RTTN: variants seen among roughly 807,000 people sequenced by gnomAD.
RTTN encodes rotatin.
In RTTN, 182 loss-of-function variants were observed where a neutral mutation model predicts 269.2. The observed-to-expected ratio is 0.68, with a 90% CI of 0.60 to 0.76. RTTN has a LOEUF of 0.76. Among genes scored for constraint, RTTN ranks in the 30% least tolerant of loss-of-function variants. The probability of loss-of-function intolerance (pLI) is 0.00; values close to 1 mark genes in which losing one functional copy is unlikely to be tolerated. For missense variants in RTTN, 2,545 were observed against 2,608.6 expected (o/e 0.98, Z 0.53); for synonymous variants, 1,006 against 963.5 (o/e 1.04, Z -0.82).
chr18:70,102,462 T>A (rs2059195757), intron 28 of RTTN, among the ~76,000 whole-genome samples: 1 of 152,194 alleles, frequency 6.6e-6, no homozygotes, highest in Non-Finnish European at 1.5e-5. Flanking sequence ...AGCCTATGTA[T>A]GTCTCTGCAC....
chr18:70,169,797 A>G (rs1249191910), intron 11 of RTTN, among the ~76,000 whole-genome samples: 1 of 152,212 alleles, frequency 6.6e-6, no homozygotes, highest in African/African-American at 2.4e-5. Context: ...TATCAATTAA[A>G]GGAATAAAAA....
At chr18:70,196,029 T>C (rs1289585940) in intron 7 of RTTN, among the ~76,000 whole-genome samples, 1 of 152,216 alleles carries the variant, frequency 6.6e-6, no homozygotes. Context: ...TATTTGGCCA[T>C]TAGGTGGCAC....
intron 14 of RTTN, among the ~76,000 whole-genome samples, chr18:70,157,604 G>A (rs146870567): frequency 1.8e-4 from 28 of 152,210 alleles, no homozygotes; most frequent in Admixed American, 5.9e-4. Context: ...CCCAGCAATC[G>A]TTCTTAACCA....
At chr18:70,176,200 G>GTATATGTATATGTATATGTAT (rs1555773833) in intron 11 of RTTN, among the ~76,000 whole-genome samples, 4 of 137,676 alleles carry the variant, frequency 2.9e-5, no homozygotes, top group African/African-American at 1.1e-4. Flanking sequence ...TGTAGATGTA[G>GTATATGTATATGTATATGTAT]ATGTATATGT....
intron 1 of RTTN, 134 bp downstream of exon 1, chr18:70,205,494 G>A: frequency 2.9e-6 from 4 of 1,359,474 alleles, no homozygotes; most frequent in Non-Finnish European, 4.2e-6. Flanking sequence ...GGTCCCCGGG[G>A]GCTATCCTGA....
At chr18:70,014,610 A>C (rs544237855) in intron 46 of RTTN, among the ~76,000 whole-genome samples, 1 of 152,330 alleles carries the variant, frequency 6.6e-6, no homozygotes, top group South Asian at 2.1e-4. Context: ...AGCCAAGTTC[A>C]CGGCCAACTT....
intron 40 of RTTN, among the ~76,000 whole-genome samples, chr18:70,034,179 A>G (rs2057102873): frequency 6.6e-6 from 1 of 152,144 alleles, no homozygotes; most frequent in Non-Finnish European, 1.5e-5. Context: ...AAAAAATGAG[A>G]AGTAGGAACT....
At chr18:70,041,832 A>G (rs1260744827) in intron 40 of RTTN, among the ~76,000 whole-genome samples, 1 of 152,088 alleles carries the variant, frequency 6.6e-6, no homozygotes, top group East Asian at 1.9e-4. Flanking sequence ...ACTTGGCTAC[A>G]TAACATTTGG....
intron 14 of RTTN, among the ~76,000 whole-genome samples, chr18:70,157,923 A>C (rs924136300): frequency 6.6e-6 from 1 of 152,174 alleles, no homozygotes; most frequent in Non-Finnish European, 1.5e-5. Context: ...AATTAAAAAA[A>C]AAAACTTCAA....
rs2057663024 is a variant in RTTN, at chr18:70,051,403, C to G, written c.5323+8G>C. On this transcript the variant is annotated splice_region_variant and intron_variant, in intron 39 of 48. Coordinates refer to ENST00000640769, the MANE Select transcript of RTTN (RefSeq NM_173630.4). ...AAAGCCCCCAAGATTATGCAAGTAT[C>G]TTCTTACCAATCGCCGCTGTCCAGT... 2 of 1,599,768 alleles carry G rather than the reference C, an allele frequency of 1.3e-6. No individual in the cohort carries two copies. The highest frequency in any genetic ancestry group is 1.7e-6 in the Non-Finnish European group (2 of 1,176,254).
At chr18:70,050,666 A>G (rs958114657) in intron 39 of RTTN, among the ~76,000 whole-genome samples, 1 of 152,220 alleles carries the variant, frequency 6.6e-6, no homozygotes, top group African/African-American at 2.4e-5. Flanking sequence ...AAGACTTGGA[A>G]CCAACCCAAT....
intron 14 of RTTN, among the ~76,000 whole-genome samples, chr18:70,151,917 G>A (rs1044030643): frequency 1.3e-5 from 2 of 152,096 alleles, no homozygotes; most frequent in African/African-American, 4.8e-5. Context: ...CCTCACAAGA[G>A]TTCGCTGTCC....
chr18:70,064,703 T>C lies in RTTN; in HGVS notation c.4747+1126A>G, dbSNP rs78540174. Among the ~76,000 whole-genome samples the C allele has an allele frequency of 3.5e-4, 53 of 152,290 alleles. No homozygotes were observed. In the East Asian group the frequency reaches 9.2e-3, roughly 27 times the overall value. On this transcript the variant is annotated intron_variant, in intron 35 of 48. Coordinates refer to ENST00000640769, the MANE Select transcript of RTTN (RefSeq NM_173630.4). ...AAGAATGGGGGAGACAGGGAGTGAC[T>C]GCTAATGGGTATAGGGTTTTTTTGC...
intron 11 of RTTN, among the ~76,000 whole-genome samples, chr18:70,175,045 C>CAAAAAAAAAAAAAAAAAAAA (rs5825998): frequency 1.8e-4 from 16 of 86,810 alleles, no homozygotes; most frequent in Non-Finnish European, 2.3e-4. Flanking sequence ...AAACCAAAAC[C>CAAAAAAAAAAAAAAAAAAAA]AAAAAAAAAA....
chr18:70,016,998 G>C (rs1022948546), intron 46 of RTTN, among the ~76,000 whole-genome samples: 1 of 152,064 alleles, frequency 6.6e-6, no homozygotes, highest in African/African-American at 2.4e-5. Flanking sequence ...GGAAAGAGAA[G>C]GCCCCCTGGG....
chr18:70,104,780 T>C (rs2059276409), intron 28 of RTTN, among the ~76,000 whole-genome samples: 1 of 152,206 alleles, frequency 6.6e-6, no homozygotes, highest in Non-Finnish European at 1.5e-5. Context: ...CCTGTTTGCC[T>C]GGGTATCACC....
At chr18:70,028,082 A>G (rs1325206259) in intron 43 of RTTN, among the ~76,000 whole-genome samples, 2 of 152,240 alleles carry the variant, frequency 1.3e-5, no homozygotes, top group Non-Finnish European at 2.9e-5. Flanking sequence ...TCTGCATTAA[A>G]GCATCAATCT....
At chr18:70,033,700 A>G (rs1052823689) in intron 40 of RTTN, among the ~76,000 whole-genome samples, 5 of 152,020 alleles carry the variant, frequency 3.3e-5, no homozygotes, top group African/African-American at 7.3e-5. Context: ...CAAAGCTAGT[A>G]GAACACAAGA....
intron 8 of RTTN, among the ~76,000 whole-genome samples, chr18:70,192,474 A>G (rs2061695136): frequency 2.0e-5 from 3 of 152,132 alleles, no homozygotes; most frequent in Admixed American, 2.0e-4. Flanking sequence ...TGAGCCCAGG[A>G]GTTCGAGACC....
Sources: gnomAD v4.1 joint callset for allele counts (sites outside exome capture counted in the v4.1 genomes callset) on GRCh38, gnomAD v4.1.1 for gene constraint, MANE v1.5 for transcripts, NCBI Gene and HGNC (gene_info 2026-07-23, HGNC 2026-07-21) for gene names.